The following POU3F3 variants were observed in gnomAD, a reference collection of about 807,000 sequenced individuals.
The protein encoded by POU3F3 is POU class 3 homeobox 3.
In POU3F3, 1 loss-of-function variant was observed where a neutral mutation model predicts 8.6. The observed-to-expected ratio is 0.12, with a 90% CI of 0.04 to 0.55. POU3F3 has a LOEUF of 0.55. POU3F3 is among the 20% of genes least tolerant of loss of function. The probability of loss-of-function intolerance (pLI) is 0.91; values close to 1 mark genes in which losing one functional copy is unlikely to be tolerated. For missense variants in POU3F3, 577 were observed against 690.7 expected (o/e 0.84, Z 1.84); for synonymous variants, 418 against 327.4 (o/e 1.28, Z -2.99).
At chr2:104,863,011 T>A (rs1011955628), downstream of POU3F3, among the ~76,000 whole-genome samples, 2 of 151,790 alleles carry the variant, frequency 1.3e-5, no homozygotes, top group African/African-American at 4.8e-5. Context: ...TTTTTTTTTT[T>A]AATGGAGTTG....
At chr2:104,900,983 A>G in the POU3F3 span, among the ~76,000 whole-genome samples, 1 of 152,142 alleles carries the variant, frequency 6.6e-6, no homozygotes, top group Admixed American at 6.5e-5. Context: ...TGCCTGCTCC[A>G]CTTTACCTCT....
the POU3F3 span, among the ~76,000 whole-genome samples, chr2:104,901,809 G>A: frequency 1.3e-5 from 2 of 152,230 alleles, no homozygotes; most frequent in Non-Finnish European, 2.9e-5. Context: ...AATAACAGGC[G>A]GCCGGAGCCA....
chr2:104,873,473 G>A, the POU3F3 span, among the ~76,000 whole-genome samples: 2 of 152,210 alleles, frequency 1.3e-5, no homozygotes, highest in Admixed American at 1.3e-4. Context: ...GACCCGCGAC[G>A]GGGCCACGCG....
At chr2:104,870,216 G>A in the POU3F3 span, among the ~76,000 whole-genome samples, 2 of 152,188 alleles carry the variant, frequency 1.3e-5, no homozygotes, top group African/African-American at 4.8e-5. Flanking sequence ...CCTGTTACAT[G>A]TGCAGGATTC....
At chr2:104,886,110 T>A in the POU3F3 span, among the ~76,000 whole-genome samples, 2 of 152,304 alleles carry the variant, frequency 1.3e-5, no homozygotes, top group South Asian at 2.1e-4. Context: ...TCCTTTACTT[T>A]CTTAATAGAC....
chr2:104,873,805 C>T, the POU3F3 span, among the ~76,000 whole-genome samples: 1 of 152,206 alleles, frequency 6.6e-6, no homozygotes, highest in Non-Finnish European at 1.5e-5. Context: ...CCGGAAACCT[C>T]CTTGCCCAGG....
Position 104,857,768 on chromosome 2 carries a change from A to G in POU3F3, c.*755A>G, listed in dbSNP as rs1346245296. Reference sequence around the variant, plus strand: ...GGGGAAAAACAGTCTCCAAGAAAAAAATAATTATATTGACAGCTTCTGAAA... The same window carrying G: ...GGGGAAAAACAGTCTCCAAGAAAAAGATAATTATATTGACAGCTTCTGAAA... On this transcript the variant is annotated 3_prime_UTR_variant, in exon 1 of 1. Coordinates refer to ENST00000361360, the MANE Select transcript of POU3F3 (RefSeq NM_006236.3). 6.6e-6 allele frequency: 1 copy of G among 152,270 alleles called. No homozygotes were observed. The highest frequency in any genetic ancestry group is 2.4e-5 in the African/African-American group (1 of 41,402). The allele number at this position is 152,270 out of a possible 1,614,324, so 9.4% of individuals were successfully genotyped here.
chr2:104,894,203 C>A, the POU3F3 span, among the ~76,000 whole-genome samples: 5 of 152,158 alleles, frequency 3.3e-5, no homozygotes, highest in Non-Finnish European at 5.9e-5. Context: ...ATGAGTTGTA[C>A]CCGGTGCACA....
At chr2:104,875,683 T>G in the POU3F3 span, among the ~76,000 whole-genome samples, 4 of 152,222 alleles carry the variant, frequency 2.6e-5, no homozygotes, top group African/African-American at 9.6e-5. Context: ...TTAAATCTCT[T>G]TTAACTTTTG....
chr2:104,867,478 C>T, the POU3F3 span: 1 of 152,400 alleles, frequency 6.6e-6, no homozygotes, highest in Admixed American at 6.5e-5. The surrounding 1 kb of genome is among the most constrained non-coding windows in gnomAD (Gnocchi z 5.0). Context: ...GCAGAGCCCG[C>T]TGACTGTTCC....
the POU3F3 span, among the ~76,000 whole-genome samples, chr2:104,887,466 G>A: frequency 6.6e-6 from 1 of 152,150 alleles, no homozygotes; most frequent in Non-Finnish European, 1.5e-5. Flanking sequence ...AGGCTTAAAG[G>A]AAGAACCATG....
At chr2:104,910,965 A>C in the POU3F3 span, among the ~76,000 whole-genome samples, 1 of 152,350 alleles carries the variant, frequency 6.6e-6, no homozygotes, top group Admixed American at 6.5e-5. Context: ...ATTACAAGTA[A>C]TCTAGAGACG....
chr2:104,897,909 C>T, the POU3F3 span, among the ~76,000 whole-genome samples: 1 of 152,282 alleles, frequency 6.6e-6, no homozygotes. Context: ...AAGAGATAAG[C>T]TTGGCTAGGT....
chr2:104,884,759 T>C, the POU3F3 span, among the ~76,000 whole-genome samples: 1 of 152,230 alleles, frequency 6.6e-6, no homozygotes, highest in African/African-American at 2.4e-5. Context: ...CCAAGCCCCA[T>C]TGTGGGATGA....
chr2:104,885,328 G>C, the POU3F3 span, among the ~76,000 whole-genome samples: 1 of 152,208 alleles, frequency 6.6e-6, no homozygotes, highest in Non-Finnish European at 1.5e-5. Flanking sequence ...ATCTTGAATA[G>C]AGGCTGGGTA....
At chr2:104,870,287 A>G in the POU3F3 span, among the ~76,000 whole-genome samples, 1 of 152,174 alleles carries the variant, frequency 6.6e-6, no homozygotes, top group Non-Finnish European at 1.5e-5. Flanking sequence ...CAGGGCAATT[A>G]ACTCTGACAA....
chr2:104,908,430 G>C, the POU3F3 span, among the ~76,000 whole-genome samples: 2 of 152,238 alleles, frequency 1.3e-5, no homozygotes, highest in African/African-American at 4.8e-5. Flanking sequence ...GAAGATGAGA[G>C]AGTACAATCA....
rs1676567011 is a variant in POU3F3 at position 104,856,294 on chromosome 2, G to A, written c.784G>A (p.Gly262Arg). The change falls in exon 1 of 1, where the codon GGG becomes AGG. Residue 262 changes from glycine to arginine, a missense_variant. This residue lies in a region of POU3F3 where 484 missense variants were observed against 422.6 expected (regional missense o/e 1.15). Coordinates refer to ENST00000361360, the MANE Select transcript of POU3F3 (RefSeq NM_006236.3). ...QSLVHPGLVR[G>R]DTPELAEHHH... ...CTTGGTGCACCCGGGGCTGGTGCGC[G>A]GGGACACGCCAGAGCTGGCCGAGCA... The A allele has an allele frequency of 6.8e-7, 1 of 1,480,848 alleles. No homozygotes were observed. The highest frequency in any genetic ancestry group is 8.9e-7 in the Non-Finnish European group (1 of 1,124,270). 91.7% of individuals were successfully genotyped at this position (1,480,848 alleles called of 1,614,324 possible). A position where few individuals can be genotyped will look rare whatever the true frequency, so the allele number is the denominator to read the frequency against.
At chr2:104,925,494 A>T in the POU3F3 span, among the ~76,000 whole-genome samples, 1 of 152,152 alleles carries the variant, frequency 6.6e-6, no homozygotes, top group Non-Finnish European at 1.5e-5. Context: ...GAAGCAAAAG[A>T]GGGTGGGGAG....
Sources: gnomAD v4.1 joint callset for allele counts (sites outside exome capture counted in the v4.1 genomes callset) on GRCh38, gnomAD v4.1.1 for gene constraint, gnomAD v4.1.1 regional missense constraint, Gnocchi (gnomAD v3.1) non-coding constraint, MANE v1.5 for transcripts, NCBI Gene and HGNC (gene_info 2026-07-23, HGNC 2026-07-21) for gene names.